PACS2: variants seen among roughly 807,000 people sequenced by gnomAD.
PACS2 encodes the protein PACS1-like protein.
In PACS2, 36 loss-of-function variants were observed where a neutral mutation model predicts 113.0. The observed-to-expected ratio is 0.32, with a 90% confidence interval of 0.24 to 0.42. PACS2 has a LOEUF of 0.42. PACS2 is among the 10% of genes least tolerant of loss of function. The probability of loss-of-function intolerance (pLI) is 1.00; values close to 1 mark genes in which losing one functional copy is unlikely to be tolerated. For missense variants in PACS2, 1,015 were observed against 1,239.5 expected, an observed-to-expected ratio of 0.82 and a Z score of 2.72; for synonymous variants, 589 against 536.1, an observed-to-expected ratio of 1.10 and a Z score of -1.36.
rs1284747952 is a variant in PACS2 at position 105,340,570 on chromosome 14, G to A, written c.120-7923G>A. 1.3e-5 allele frequency among the ~76,000 whole-genome samples: 2 copies of A among 152,190 alleles called. No homozygotes were observed. The highest frequency in any genetic ancestry group is 2.1e-4 in the South Asian group (1 of 4,830). On this transcript the variant is annotated intron_variant, in intron 1 of 24. Coordinates refer to ENST00000447393, the MANE Select transcript of PACS2 (RefSeq NM_001100913.3). This position sits in a 1 kb window ranked among gnomAD's most constrained non-coding sequence, Gnocchi z 4.2. Reference sequence around the variant, plus strand: ...TGCACAGTTACAATAGGGTTCTTCCGGAGCTCAGGTGGGAATGCTCACTCC... The same window carrying A: ...TGCACAGTTACAATAGGGTTCTTCCAGAGCTCAGGTGGGAATGCTCACTCC...
chr14:105,312,452 C>A (rs1179374567), upstream of PACS2, among the ~76,000 whole-genome samples: 1 of 152,234 alleles, frequency 6.6e-6, no homozygotes, highest in African/African-American at 2.4e-5. Context: ...ACCTCCTCCC[C>A]AACCGTGCCC....
rs1215739972 is a variant in PACS2 at position 105,355,304 on chromosome 14, GA to G, written c.423+128del. 1 of 1,177,456 alleles carries G rather than the reference GA, an allele frequency of 8.5e-7. No homozygotes were observed. The highest frequency in any genetic ancestry group is 1.5e-5 in the African/African-American group (1 of 64,584). 72.9% of individuals were successfully genotyped at this position (1,177,456 alleles called of 1,614,324 possible). On this transcript the variant is annotated intron_variant, in intron 4 of 24. Coordinates refer to ENST00000447393, the MANE Select transcript of PACS2 (RefSeq NM_001100913.3). The surrounding 1 kb of genome is among the most constrained non-coding windows in gnomAD (Gnocchi z 4.1). ...AGGGATCAGGTGAAAATGATGAGAG[GA>G]GCCTGGGCGGCCGGGCTCCGCCATA...
At chr14:105,331,449 C>T (rs991598768) in intron 1 of PACS2, among the ~76,000 whole-genome samples, 1 of 152,046 alleles carries the variant, frequency 6.6e-6, no homozygotes, top group Admixed American at 6.5e-5. Context: ...CAGGTTCTCA[C>T]TCTGTTGCTC....
Position 105,384,942 on chromosome 14 carries a change from AC to A in PACS2, c.1957del (p.Gln653SerfsTer9). The A allele has an allele frequency of 6.2e-7, 1 of 1,600,338 alleles. No individual in the cohort carries two copies. ...TACATCGCAGGGGCCAACTGTGCCC[AC>A]CAGCTCCCCATCGCAGAGGCCATGC... ...TQYIAGANCA[H>X]QLPIAEAMLT... On this transcript the variant is annotated frameshift_variant, in exon 18 of 25. Coordinates refer to ENST00000447393, the MANE Select transcript of PACS2 (RefSeq NM_001100913.3). LOFTEE classifies it high-confidence loss of function.
chr14:105,392,878 G>C (rs782760196), intron 23 of PACS2, 33 bp downstream of exon 23: 1 of 1,498,946 alleles, frequency 6.7e-7, no homozygotes, highest in South Asian at 1.1e-5. Context: ...GCCACACGGC[G>C]CAGAAGGGCG....
chr14:105,391,414 ACTG>A, intron 21 of PACS2, 165 bp downstream of exon 21: 1 of 665,448 alleles, frequency 1.5e-6, no homozygotes, highest in Non-Finnish European at 2.6e-6. Context: ...TCCTCCAAGG[ACTG>A]CTGTCACAAA....
chr14:105,386,206 A>C (rs1003338025), intron 19 of PACS2, among the ~76,000 whole-genome samples: 3 of 152,206 alleles, frequency 2.0e-5, no homozygotes, highest in Non-Finnish European at 2.9e-5. Flanking sequence ...AGCTGGCAGC[A>C]GCCTAGCAGG....
rs1315160815 is a variant in PACS2 at position 105,379,694 on chromosome 14, G to C, written c.960-45G>C. ...AGAACTGCGCTTTCAGTGCAAGAAGGGTCCTGGAAATTAACGTGTCCCCCA... is the reference window on the plus strand; with the variant it reads ...AGAACTGCGCTTTCAGTGCAAGAAGCGTCCTGGAAATTAACGTGTCCCCCA... On this transcript the variant is annotated intron_variant, in intron 9 of 24. Coordinates refer to ENST00000447393, the MANE Select transcript of PACS2 (RefSeq NM_001100913.3). 4 of 1,494,942 alleles carry C rather than the reference G, an allele frequency of 2.7e-6. No homozygotes were observed. In the African/African-American group the frequency reaches 5.5e-5, roughly 21 times the overall value. 92.6% of individuals were successfully genotyped at this position (1,494,942 alleles called of 1,614,324 possible).
intron 2 of PACS2, 144 bp from the exon 3 acceptor site, chr14:105,352,234 G>T (rs587720432): frequency 2.8e-5 from 18 of 651,136 alleles, no homozygotes; most frequent in African/African-American, 2.5e-4. Flanking sequence ...GCACCTCTGA[G>T]AATTACCCCA....
intron 1 of PACS2, among the ~76,000 whole-genome samples, chr14:105,326,384 C>G (rs1322053926): frequency 6.6e-6 from 1 of 152,224 alleles, no homozygotes; most frequent in African/African-American, 2.4e-5. Context: ...CCCAGTCGCC[C>G]CAGGAGCGCC....
rs200599883 is a variant in PACS2, at chr14:105,340,355, A to G, written c.120-8138A>G. ...GATGGATAATCTCATTGTGAAAAAGAGGAAGGAACAAATGGGGGAGTGGGA... is the reference window on the plus strand; with the variant it reads ...GATGGATAATCTCATTGTGAAAAAGGGGAAGGAACAAATGGGGGAGTGGGA... On this transcript the variant is annotated intron_variant, in intron 1 of 24. Coordinates refer to ENST00000447393, the MANE Select transcript of PACS2 (RefSeq NM_001100913.3). The surrounding 1 kb of genome is among the most constrained non-coding windows in gnomAD (Gnocchi z 4.2). Among the ~76,000 whole-genome samples the G allele has an allele frequency of 1.4e-4, 21 of 152,362 alleles. No individual in the cohort carries two copies. The East Asian group carries it at 3.9e-3, about 28-fold the overall frequency.
At chr14:105,304,090 C>T (rs1050212539) in intron 1 of PACS2, among the ~76,000 whole-genome samples, 9 of 152,172 alleles carry the variant, frequency 5.9e-5, no homozygotes, top group South Asian at 2.1e-4. Flanking sequence ...CAGGCCACAG[C>T]GGTGCAGGAC....
intron 22 of PACS2, chr14:105,392,060 C>CTGAGGGCAGAAGG (rs1317767048): frequency 4.4e-6 from 2 of 457,792 alleles, no homozygotes; most frequent in Non-Finnish European, 7.7e-6. Context: ...AAAAAACAAG[C>CTGAGGGCAGAAGG]TGAGGGCAGA....
rs781868356 is a variant in PACS2 at position 105,367,354 on chromosome 14, G to A, written c.565G>A (p.Gly189Ser). The A allele has an allele frequency of 3.1e-5, 50 of 1,613,146 alleles. No homozygotes were observed. The highest frequency in any genetic ancestry group is 8.0e-5 in the African/African-American group (6 of 74,944). ...CCACGAAGACAGCACCATGCAGGCCGGCCCCAAGGCCAAGTCCACGGGTGA... is the reference window on the plus strand; with the variant it reads ...CCACGAAGACAGCACCATGCAGGCCAGCCCCAAGGCCAAGTCCACGGGTGA... ...IDHEDSTMQA[G>S]PKAKSTDNYS... The change falls in exon 5 of 25, where the codon GGC becomes AGC. Residue 189 changes from glycine (G) to serine (S), a missense_variant. Gly to Ser is a moderately conservative substitution (Grantham distance 56). Around this residue, in one of 3 missense-constraint regions of PACS2, gnomAD observed 859 missense variants for 1,056.8 expected, o/e 0.81. Coordinates refer to ENST00000447393, the MANE Select transcript of PACS2 (RefSeq NM_001100913.3).
At chr14:105,325,592 G>A (rs2059075100) in intron 1 of PACS2, among the ~76,000 whole-genome samples, 1 of 152,208 alleles carries the variant, frequency 6.6e-6, no homozygotes, top group African/African-American at 2.4e-5. Context: ...CCAGGAGCCA[G>A]GTGTGTCTTG....
chr14:105,360,554 A>AG (rs1466586934), intron 4 of PACS2, among the ~76,000 whole-genome samples: 2 of 151,638 alleles, frequency 1.3e-5, no homozygotes, highest in African/African-American at 2.4e-5. Context: ...AAAAAAAAAA[A>AG]AAAAGAAAAG....
intron 5 of PACS2, 62 bp downstream of exon 5, chr14:105,367,437 G>A (rs2141142765): frequency 1.3e-6 from 2 of 1,532,486 alleles, no homozygotes; most frequent in East Asian, 4.5e-5. Context: ...TCCAGCCATG[G>A]CACATCGGGT....
At chr14:105,319,782 A>C (rs1333293632) in intron 1 of PACS2, among the ~76,000 whole-genome samples, 1 of 152,172 alleles carries the variant, frequency 6.6e-6, no homozygotes, top group Non-Finnish European at 1.5e-5. Context: ...TTTACCTTTA[A>C]GGACGATGTT....
Position 105,398,105 on chromosome 14 carries a change from T to C in PACS2, c.*3433T>C, listed in dbSNP as rs1169502639. ...TCACGTATGTGACCGTGTGGACTATTTCAAGGTGCTGATGCAACACTAATA... is the reference window on the plus strand; with the variant it reads ...TCACGTATGTGACCGTGTGGACTATCTCAAGGTGCTGATGCAACACTAATA... On this transcript the variant is annotated 3_prime_UTR_variant, in exon 25 of 25. Coordinates refer to ENST00000447393, the MANE Select transcript of PACS2 (RefSeq NM_001100913.3). The C allele has an allele frequency of 6.6e-6, 1 of 152,232 alleles. No individual in the cohort carries two copies. Among genetic ancestry groups the C allele is most frequent in the African/African-American group, 2.4e-5 (1 of 41,462 alleles). 9.4% of individuals were successfully genotyped at this position (152,232 alleles called of 1,614,324 possible). A position where few individuals can be genotyped will look rare whatever the true frequency, so the allele number is the denominator to read the frequency against.
Sources: allele counts gnomAD v4.1 joint callset (sites outside exome capture counted in the v4.1 genomes callset), GRCh38; gene constraint gnomAD v4.1.1; regional missense constraint gnomAD v4.1.1; non-coding constraint Gnocchi (gnomAD v3.1); transcripts MANE v1.5; gene names NCBI Gene and HGNC (gene_info 2026-07-23, HGNC 2026-07-21).